EYS: variants seen among roughly 807,000 people sequenced by gnomAD.
EYS encodes the protein EGF-like photoreceptor maintenance factor, also known as protein eyes shut homolog.
Under a neutral mutation model 282.1 loss-of-function variants are expected in EYS, and 250 were observed. The observed-to-expected ratio is 0.89, with a 90% CI of 0.80 to 0.98. EYS has a LOEUF of 0.98. Among genes scored for constraint, EYS ranks in the 50% least tolerant of loss-of-function variants. The pLI, the probability that EYS is intolerant of heterozygous loss-of-function variation, is 0.00. For synonymous variants in EYS, 1,355 were observed against 1,282.9 expected, an observed-to-expected ratio of 1.06 and a Z score of -1.20; for missense variants, 4,016 against 3,709.0, an observed-to-expected ratio of 1.08 and a Z score of -2.15.
intron 26 of EYS, among the ~76,000 whole-genome samples, chr6:64,518,195 C>T (rs1301425820): frequency 2.6e-5 from 4 of 151,662 alleles, no homozygotes; most frequent in Non-Finnish European, 5.9e-5. Context: ...TATTAAACCT[C>T]TCTCTCATTC....
At chr6:64,479,878 T>G (rs1422866506) in intron 26 of EYS, among the ~76,000 whole-genome samples, 1 of 151,908 alleles carries the variant, frequency 6.6e-6, no homozygotes, top group Admixed American at 6.6e-5. Flanking sequence ...ATGAACTGAC[T>G]GTTGAGAGCC....
chr6:65,133,045 T>C (rs752674390), intron 12 of EYS, among the ~76,000 whole-genome samples: 1 of 151,984 alleles, frequency 6.6e-6, no homozygotes, highest in Non-Finnish European at 1.5e-5. Flanking sequence ...TGCAAAACAC[T>C]GCTTAAAGAA....
intron 41 of EYS, among the ~76,000 whole-genome samples, chr6:63,741,720 C>G (rs929233547): frequency 1.3e-5 from 2 of 152,112 alleles, no homozygotes; most frequent in Non-Finnish European, 2.9e-5. Context: ...TTGTCATTTT[C>G]AGGTTTCAGT....
chr6:65,284,892 T>C (rs1768317814), intron 12 of EYS, among the ~76,000 whole-genome samples: 1 of 152,054 alleles, frequency 6.6e-6, no homozygotes, highest in African/African-American at 2.4e-5. Context: ...CATGTTTACA[T>C]AGTGTTCATG....
chr6:65,119,773 G>A (rs1775476292), intron 12 of EYS, among the ~76,000 whole-genome samples: 7 of 151,754 alleles, frequency 4.6e-5, no homozygotes, highest in Admixed American at 4.6e-4. Flanking sequence ...AGGCTGAGGT[G>A]GGAGAATCAC....
At chr6:64,751,762 A>G (rs1562171201) in intron 22 of EYS, among the ~76,000 whole-genome samples, 3 of 152,204 alleles carry the variant, frequency 2.0e-5, no homozygotes, top group Admixed American at 2.0e-4. Flanking sequence ...GAGGAACAAC[A>G]TAAACTTGCC....
At chr6:65,343,347 A>G (rs2150319298) in intron 10 of EYS, among the ~76,000 whole-genome samples, 1 of 151,522 alleles carries the variant, frequency 6.6e-6, no homozygotes, top group Admixed American at 6.6e-5. Context: ...AGGATGTATC[A>G]AGACAAGATA....
intron 29 of EYS, among the ~76,000 whole-genome samples, chr6:64,310,342 G>T (rs7765711): frequency 0.72 from 109,071 of 152,008 alleles, 39,325 homozygotes; most frequent in African/African-American, 0.79. Flanking sequence ...AAAATACCCA[G>T]CAATAATAGA....
intron 26 of EYS, among the ~76,000 whole-genome samples, chr6:64,451,079 T>G (rs1340278065): frequency 2.0e-5 from 3 of 152,012 alleles, no homozygotes; most frequent in Non-Finnish European, 4.4e-5. Context: ...CTGGTTTTTT[T>G]GAAAAGATCA....
chr6:64,384,149 T>A (rs1382944850), intron 29 of EYS, among the ~76,000 whole-genome samples: 2 of 152,210 alleles, frequency 1.3e-5, no homozygotes, highest in Non-Finnish European at 2.9e-5. Context: ...GGGCTTTTTA[T>A]AAAAGTGAAT....
chr6:65,131,923 G>A (rs1775890419), intron 12 of EYS, among the ~76,000 whole-genome samples: 1 of 151,936 alleles, frequency 6.6e-6, no homozygotes, highest in African/African-American at 2.4e-5. Flanking sequence ...ATAACTGTCA[G>A]AAACTACCAT....
At chr6:65,406,472 T>C (rs1406432118) in intron 5 of EYS, among the ~76,000 whole-genome samples, 2 of 152,130 alleles carry the variant, frequency 1.3e-5, no homozygotes, top group Non-Finnish European at 2.9e-5. Context: ...TATATTTTGG[T>C]ATCATATAAT....
chr6:63,995,462 A>G (rs112384336), intron 34 of EYS, among the ~76,000 whole-genome samples: 4,001 of 152,118 alleles, frequency 0.026, 98 homozygotes, highest in Middle Eastern at 0.058. Context: ...AGGATGTAAG[A>G]TGATGTAGCC....
intron 15 of EYS, among the ~76,000 whole-genome samples, chr6:64,921,917 A>G (rs867343262): frequency 3.3e-5 from 5 of 152,314 alleles, no homozygotes; most frequent in Middle Eastern, 3.4e-3. Flanking sequence ...AGGGCACAAA[A>G]ATAGTTCTCA....
intron 31 of EYS, among the ~76,000 whole-genome samples, chr6:64,087,481 C>CT (rs1219344070): frequency 6.6e-6 from 1 of 152,024 alleles, no homozygotes; most frequent in African/African-American, 2.4e-5. Context: ...AGATGGAAGA[C>CT]TAGATAAAAA....
chr6:65,577,321 C>T (rs957478754), intron 2 of EYS, among the ~76,000 whole-genome samples: 4 of 151,696 alleles, frequency 2.6e-5, no homozygotes, highest in Non-Finnish European at 5.9e-5. Context: ...TTTCCAAGAA[C>T]ACAGAATGAG....
chr6:64,720,886 C>T (rs567911748), intron 22 of EYS, among the ~76,000 whole-genome samples: 2 of 152,256 alleles, frequency 1.3e-5, no homozygotes, highest in South Asian at 4.1e-4. Flanking sequence ...TCTAAATGTG[C>T]AAACATCTGC....
chr6:64,315,386 A>G (rs1769912599), intron 29 of EYS, among the ~76,000 whole-genome samples: 1 of 151,788 alleles, frequency 6.6e-6, no homozygotes, highest in Non-Finnish European at 1.5e-5. Context: ...AAACAATGGA[A>G]AAAAAGGGAA....
chr6:63,821,055 A>T (rs1771309887), intron 36 of EYS, among the ~76,000 whole-genome samples: 1 of 152,022 alleles, frequency 6.6e-6, no homozygotes, highest in Non-Finnish European at 1.5e-5. Context: ...ATTATGAATT[A>T]TATCTTCTCA....
Sources: gnomAD v4.1 joint callset for allele counts (sites outside exome capture counted in the v4.1 genomes callset) on GRCh38, gnomAD v4.1.1 for gene constraint, MANE v1.5 for transcripts, NCBI Gene and HGNC (gene_info 2026-07-23, HGNC 2026-07-21) for gene names.